The following EPC2 variants were observed in gnomAD, a reference collection of about 807,000 sequenced individuals.
EPC2 encodes the protein enhancer of polycomb homolog 2.
Under a neutral mutation model 92.1 loss-of-function variants are expected in EPC2, and 14 were observed. The ratio of observed to expected loss-of-function variants is 0.15; its 90% CI spans 0.10 to 0.24. EPC2 has a LOEUF of 0.24. Ranked by LOEUF, EPC2 falls within the 10% of genes least tolerant of loss-of-function variation. The pLI, the probability that EPC2 is intolerant of heterozygous loss-of-function variation, is 1.00. For synonymous variants in EPC2, 340 were observed against 334.7 expected (o/e 1.02, Z -0.17); for missense variants, 755 against 971.5 (o/e 0.78, Z 2.96).
chr2:148,683,929 A>C (rs2105368123), intron 1 of EPC2, among the ~76,000 whole-genome samples: 1 of 152,284 alleles, frequency 6.6e-6, no homozygotes, highest in South Asian at 2.1e-4. Context: ...TTCTTTAAGG[A>C]ATCTCCATAC....
rs542385846 is a variant in EPC2, at chr2:148,759,131, C to T, written c.667-2651C>T. 3.3e-5 allele frequency among the ~76,000 whole-genome samples: 5 copies of T among 152,218 alleles called. No individual in the cohort carries two copies. In the South Asian group the frequency reaches 6.2e-4, roughly 19 times the overall value. ...TTTTAAGATGGAATCTTGCTCTTGT[C>T]GCCCAGGCTGGAGTGCAGTGGTGCA... On this transcript the variant is annotated intron_variant, in intron 4 of 13. Coordinates refer to ENST00000258484, the MANE Select transcript of EPC2 (RefSeq NM_015630.4).
At chr2:148,721,161 A>G (rs546682328) in intron 2 of EPC2, among the ~76,000 whole-genome samples, 81 of 152,178 alleles carry the variant, frequency 5.3e-4, no homozygotes, top group South Asian at 1.2e-3. Context: ...TTTCTAACCT[A>G]TATCATTTTC....
At chr2:148,701,970 A>G (rs1246589084) in intron 2 of EPC2, among the ~76,000 whole-genome samples, 1 of 152,040 alleles carries the variant, frequency 6.6e-6, no homozygotes, top group Admixed American at 6.6e-5. Context: ...CATTTTCTGT[A>G]AGTTGTCAAT....
intron 1 of EPC2, among the ~76,000 whole-genome samples, chr2:148,667,060 A>G (rs1232185031): frequency 6.6e-6 from 1 of 152,202 alleles, no homozygotes; most frequent in Non-Finnish European, 1.5e-5. Flanking sequence ...GAAAGGAAAT[A>G]ATATGTGTAA....
intron 11 of EPC2, among the ~76,000 whole-genome samples, chr2:148,782,083 C>T (rs1182648535): frequency 6.6e-6 from 1 of 152,160 alleles, no homozygotes; most frequent in Non-Finnish European, 1.5e-5. Context: ...CCTCCACTCC[C>T]CCAAAGATTT....
chr2:148,770,997 C>T (rs982977480), intron 9 of EPC2, 47 bp from the exon 10 acceptor site: 2 of 1,595,756 alleles, frequency 1.3e-6, no homozygotes, highest in African/African-American at 1.4e-5. Flanking sequence ...ACAAAGAGAA[C>T]ATGTTCAGCT....
At chr2:148,669,713 GTAAAGT>G (rs1221512481) in intron 1 of EPC2, among the ~76,000 whole-genome samples, 3 of 152,112 alleles carry the variant, frequency 2.0e-5, no homozygotes, top group Non-Finnish European at 4.4e-5. Context: ...CTCAAAATTT[GTAAAGT>G]TACTTGTAAA....
chr2:148,689,997 A>G (rs1047129387), intron 1 of EPC2, among the ~76,000 whole-genome samples: 1 of 152,166 alleles, frequency 6.6e-6, no homozygotes, highest in Non-Finnish European at 1.5e-5. Flanking sequence ...AAAAAATTCT[A>G]CTTACAAAAA....
chr2:148,644,863 G>A lies in EPC2; in HGVS notation c.-155G>A. On this transcript the variant is annotated 5_prime_UTR_variant, in exon 1 of 14. Transcript: ENST00000258484. ...GGGGGGCTGTTTTCGGGCGGGGTGGGCGCCCATGCTGTGGCCGGGGGCAGT... is the reference window on the plus strand; with the variant it reads ...GGGGGGCTGTTTTCGGGCGGGGTGGACGCCCATGCTGTGGCCGGGGGCAGT... The A allele has an allele frequency of 1.6e-6, 1 of 614,812 alleles. No homozygotes were observed. The highest frequency in any genetic ancestry group is 2.0e-5 in the South Asian group (1 of 49,008). 38.1% of individuals were successfully genotyped at this position (614,812 alleles called of 1,614,324 possible). A position where few individuals can be genotyped will look rare whatever the true frequency, so the allele number is the denominator to read the frequency against.
chr2:148,685,151 TTAAAA>T (rs1681488533), intron 1 of EPC2, among the ~76,000 whole-genome samples: 2 of 152,178 alleles, frequency 1.3e-5, no homozygotes, highest in Non-Finnish European at 2.9e-5. Context: ...TTTTAGACAT[TTAAAA>T]TAACATACTA....
At chr2:148,753,364 T>C (rs1435489836) in intron 3 of EPC2, among the ~76,000 whole-genome samples, 1 of 152,212 alleles carries the variant, frequency 6.6e-6, no homozygotes, top group Non-Finnish European at 1.5e-5. Flanking sequence ...TATATGTCAC[T>C]GGTACAAAGA....
chr2:148,745,921 ACTC>A (rs1346322845), intron 3 of EPC2, among the ~76,000 whole-genome samples: 2 of 149,238 alleles, frequency 1.3e-5, no homozygotes, highest in African/African-American at 4.9e-5. Flanking sequence ...ATGATTGAAA[ACTC>A]CTGTTGTCAA....
chr2:148,713,857 C>T (rs1682204748), intron 2 of EPC2, among the ~76,000 whole-genome samples: 1 of 152,202 alleles, frequency 6.6e-6, no homozygotes, highest in Admixed American at 6.5e-5. Context: ...GATGTTCCCA[C>T]AATGAATGAA....
intron 1 of EPC2, among the ~76,000 whole-genome samples, chr2:148,653,111 CAT>C (rs773922882): frequency 5.9e-5 from 9 of 152,280 alleles, no homozygotes; most frequent in Admixed American, 2.0e-4. Context: ...GGGAAGGTAT[CAT>C]GTGTGTTTTA....
chr2:148,693,140 TA>T (rs892394440), intron 2 of EPC2, among the ~76,000 whole-genome samples: 7 of 152,258 alleles, frequency 4.6e-5, no homozygotes, highest in South Asian at 4.1e-4. Flanking sequence ...CAAGGAAGGT[TA>T]AAAAAAATTT....
intron 1 of EPC2, among the ~76,000 whole-genome samples, chr2:148,687,654 A>G (rs1459468863): frequency 6.6e-6 from 1 of 152,190 alleles, no homozygotes; most frequent in Non-Finnish European, 1.5e-5. Flanking sequence ...ATTTGGGGAA[A>G]AGCAGGTATG....
chr2:148,733,456 T>C (rs1314132899), intron 2 of EPC2, among the ~76,000 whole-genome samples: 3 of 147,804 alleles, frequency 2.0e-5, no homozygotes, highest in Non-Finnish European at 4.5e-5. Context: ...ATTATTACCT[T>C]TCTCTTTTCT....
chr2:148,682,204 T>C (rs983825765), intron 1 of EPC2, among the ~76,000 whole-genome samples: 1 of 152,204 alleles, frequency 6.6e-6, no homozygotes, highest in Admixed American at 6.5e-5. Flanking sequence ...GTCTTTATAG[T>C]AGCATGATTT....
chr2:148,665,931 A>G (rs1294582074), intron 1 of EPC2, among the ~76,000 whole-genome samples: 2 of 152,216 alleles, frequency 1.3e-5, no homozygotes, highest in African/African-American at 2.4e-5. Context: ...AGTTTTACAG[A>G]AAAAACAAAC....
Sources: allele counts gnomAD v4.1 joint callset (sites outside exome capture counted in the v4.1 genomes callset), GRCh38; gene constraint gnomAD v4.1.1; transcripts MANE v1.5; gene names NCBI Gene and HGNC (gene_info 2026-07-23, HGNC 2026-07-21).